ARID3B: variants seen among roughly 807,000 people sequenced by gnomAD.
The protein encoded by ARID3B is AT-rich interactive domain-containing protein 3B.
ARID3B carries 10 observed loss-of-function variants against 51.9 expected under a neutral mutation model. The observed-to-expected ratio is 0.19, with a 90% CI of 0.12 to 0.33. The LOEUF (loss-of-function observed/expected upper bound fraction) is 0.33, where lower values mean the gene tolerates loss of function less well. ARID3B is among the 10% of genes least tolerant of loss of function. The probability of loss-of-function intolerance (pLI) is 1.00; values close to 1 mark genes in which losing one functional copy is unlikely to be tolerated. For missense variants in ARID3B, 483 were observed against 716.3 expected (o/e 0.67, Z 3.72); for synonymous variants, 205 against 279.5 (o/e 0.73, Z 2.66).
Position 74,543,860 on chromosome 15 carries a change from G to T in ARID3B, c.-77G>T. The T allele has an allele frequency of 6.5e-7, 1 of 1,534,562 alleles. No individual in the cohort carries two copies. The highest frequency in any genetic ancestry group is 8.8e-7 in the Non-Finnish European group (1 of 1,136,838). The stretch of plus-strand genomic sequence containing the variant: ...TTTGTGGTTTCTGTTAATCACTAAG[G>T]TTTAGACCCAGTGTGCCTGGTGGGC... On this transcript the variant is annotated splice_region_variant and 5_prime_UTR_variant, in exon 2 of 9. Coordinates refer to ENST00000346246, the MANE Select transcript of ARID3B (RefSeq NM_006465.4).
intron 2 of ARID3B, among the ~76,000 whole-genome samples, chr15:74,548,726 C>T (rs944583469): frequency 3.9e-5 from 6 of 152,250 alleles, no homozygotes; most frequent in Admixed American, 2.6e-4. Flanking sequence ...CTCATGACAG[C>T]GTGGGTTCTC....
At chr15:74,577,050 G>A (rs151226160) in intron 4 of ARID3B, among the ~76,000 whole-genome samples, 6 of 152,332 alleles carry the variant, frequency 3.9e-5, no homozygotes, top group African/African-American at 9.6e-5. Context: ...GAAACTTGCC[G>A]TGGCAGTGTA....
chr15:74,597,381 TC>T lies in ARID3B; in HGVS notation c.*1609del, dbSNP rs1167611731. The T allele has an allele frequency of 6.8e-6, 3 of 441,596 alleles. No individual in the cohort carries two copies. Among genetic ancestry groups the T allele is most frequent in the Non-Finnish European group, 1.3e-5 (3 of 232,848 alleles). 27.4% of individuals were successfully genotyped at this position (441,596 alleles called of 1,614,324 possible). ...GTGTGGCAGCGTGGCTCGCATTCAGTCCTGTGTAGGAGAGGAAAGGGAATCA... is the reference window on the plus strand; with the variant it reads ...GTGTGGCAGCGTGGCTCGCATTCAGTCTGTGTAGGAGAGGAAAGGGAATCA... On this transcript the variant is annotated 3_prime_UTR_variant, in exon 9 of 9. Transcript: ENST00000346246.
intron 4 of ARID3B, among the ~76,000 whole-genome samples, chr15:74,582,237 G>A (rs1164943145): frequency 6.6e-6 from 1 of 151,254 alleles, no homozygotes; most frequent in African/African-American, 2.4e-5. Flanking sequence ...GCGCGATTTC[G>A]GCTCACTGCA....
Position 74,546,925 on chromosome 15 carries a change from G to A in ARID3B, c.552+2437G>A, listed in dbSNP as rs531428661. On this transcript the variant is annotated intron_variant, in intron 2 of 8. Transcript: ENST00000346246. ...TTCTATAAATCCTGATTTTAAAGGA[G>A]TAAATCATATGCTTGGGGATTTTAA... Among the ~76,000 whole-genome samples the A allele has an allele frequency of 2.6e-5, 4 of 152,200 alleles. No individual in the cohort carries two copies. In the South Asian group the frequency reaches 6.2e-4, roughly 24 times the overall value.
chr15:74,549,910 C>T (rs1417746780), intron 2 of ARID3B, among the ~76,000 whole-genome samples: 2 of 152,162 alleles, frequency 1.3e-5, no homozygotes, highest in Non-Finnish European at 2.9e-5. Flanking sequence ...CACTGGACAG[C>T]CCCCCAACAG....
In ARID3B at chr15:74,595,869, C is replaced by T. The variant is rs1216813411; in HGVS notation, c.*95C>T. 8 of 1,341,332 alleles carry T rather than the reference C, an allele frequency of 6.0e-6. No individual in the cohort carries two copies. Among genetic ancestry groups the T allele is most frequent in the Non-Finnish European group, 1.0e-6 (1 of 994,028 alleles). The allele number at this position is 1,341,332 out of a possible 1,614,324, so 83.1% of individuals were successfully genotyped here. On this transcript the variant is annotated 3_prime_UTR_variant, in exon 9 of 9. Transcript: ENST00000346246. Reference sequence around the variant, plus strand: ...CCTCATCTCACAGAGCCCACGTCGACGAGCACCATTTGGCCAGACATTGAG... The same window carrying T: ...CCTCATCTCACAGAGCCCACGTCGATGAGCACCATTTGGCCAGACATTGAG...
intron 4 of ARID3B, among the ~76,000 whole-genome samples, chr15:74,583,234 C>T (rs1187248464): frequency 6.6e-6 from 1 of 152,020 alleles, no homozygotes. Flanking sequence ...CTTTACGCAG[C>T]TGGGATGACT....
intron 2 of ARID3B, among the ~76,000 whole-genome samples, chr15:74,545,333 A>T (rs577920353): frequency 6.6e-6 from 1 of 152,350 alleles, no homozygotes; most frequent in South Asian, 2.1e-4. Context: ...CCCCTTGACA[A>T]CAGGGAAGGG....
intron 4 of ARID3B, chr15:74,574,568 C>T (rs2061730512): frequency 6.6e-6 from 1 of 152,170 alleles, no homozygotes; most frequent in Non-Finnish European, 1.5e-5. Context: ...CTGCCTGTTA[C>T]TGTTGGTTTG....
intron 2 of ARID3B, among the ~76,000 whole-genome samples, chr15:74,558,533 C>T (rs1449517266): frequency 1.3e-5 from 2 of 151,894 alleles, no homozygotes; most frequent in African/African-American, 4.8e-5. Context: ...ATTGCTAAAA[C>T]TCATTTATGG....
chr15:74,556,783 T>G (rs1460600983), intron 2 of ARID3B, among the ~76,000 whole-genome samples: 6 of 147,002 alleles, frequency 4.1e-5, no homozygotes, highest in African/African-American at 7.5e-5. Flanking sequence ...TTTGTTTTTT[T>G]TTTTTTTTTG....
chr15:74,572,807 CCTAA>C (rs1426161432), intron 2 of ARID3B, 51 bp from the exon 3 acceptor site: 1 of 1,559,522 alleles, frequency 6.4e-7, no homozygotes, highest in South Asian at 1.1e-5. Flanking sequence ...TGCCCTCTGT[CCTAA>C]CTCTTTCTCT....
intron 2 of ARID3B, among the ~76,000 whole-genome samples, chr15:74,549,773 C>T (rs1481848919): frequency 6.6e-6 from 1 of 152,178 alleles, no homozygotes; most frequent in Non-Finnish European, 1.5e-5. Context: ...GAGGTGACCC[C>T]TGCCCCTTCC....
chr15:74,549,083 T>C (rs2061626088), intron 2 of ARID3B, among the ~76,000 whole-genome samples: 3 of 151,946 alleles, frequency 2.0e-5, no homozygotes, highest in Admixed American at 1.3e-4. Context: ...TTCTTTTTTT[T>C]TCTTTTTTTT....
chr15:74,553,709 C>A (rs560656852), intron 2 of ARID3B, among the ~76,000 whole-genome samples: 6 of 152,116 alleles, frequency 3.9e-5, no homozygotes, highest in Admixed American at 2.6e-4. Flanking sequence ...TCCATGTGTG[C>A]TTGGAGAGAA....
At chr15:74,572,142 A>G (rs192095610) in intron 2 of ARID3B, among the ~76,000 whole-genome samples, 1 of 152,230 alleles carries the variant, frequency 6.6e-6, no homozygotes, top group Non-Finnish European at 1.5e-5. Context: ...TACTGGACTG[A>G]TTAAAGATAG....
At chr15:74,578,285 T>C (rs544771512) in intron 4 of ARID3B, among the ~76,000 whole-genome samples, 21 of 151,934 alleles carry the variant, frequency 1.4e-4, no homozygotes, top group Non-Finnish European at 2.6e-4. Context: ...GCTATTCTCC[T>C]GCCTCAGCCT....
At chr15:74,592,811 G>T (rs527757638) in intron 7 of ARID3B, among the ~76,000 whole-genome samples, 9 of 152,348 alleles carry the variant, frequency 5.9e-5, no homozygotes, top group African/African-American at 1.9e-4. Flanking sequence ...CCTGGGCCTG[G>T]TGTATAGTGT....
Sources: gnomAD v4.1 joint callset for allele counts (sites outside exome capture counted in the v4.1 genomes callset) on GRCh38, gnomAD v4.1.1 for gene constraint, MANE v1.5 for transcripts, NCBI Gene and HGNC (gene_info 2026-07-23, HGNC 2026-07-21) for gene names.